MSI2: variants seen among roughly 807,000 people sequenced by gnomAD.
MSI2 encodes the protein RNA-binding protein Musashi homolog 2.
A neutral mutation model predicts 45.6 loss-of-function variants in MSI2; 17 were observed. That is an observed-to-expected ratio of 0.37 (90% confidence interval 0.26 to 0.56). The LOEUF (loss-of-function observed/expected upper bound fraction) is 0.56. MSI2 is among the 20% of genes least tolerant of loss of function. MSI2 has a pLI of 0.77. For synonymous variants in MSI2, 156 were observed against 158.2 expected (o/e 0.99, Z 0.11); for missense variants, 293 against 444.2 (o/e 0.66, Z 3.06).
At chr17:57,403,885 C>T (rs2084036010) in intron 6 of MSI2, among the ~76,000 whole-genome samples, 1 of 152,088 alleles carries the variant, frequency 6.6e-6, no homozygotes, top group Admixed American at 6.5e-5. Flanking sequence ...CAGACTGCCT[C>T]TCCCCTTCGG....
chr17:57,458,225 C>T lies in MSI2; in HGVS notation c.405+56754C>T, dbSNP rs186170262. 3.3e-4 allele frequency among the ~76,000 whole-genome samples: 50 copies of T among 151,846 alleles called. 1 individual carries two copies. Among genetic ancestry groups the T allele is most frequent in the East Asian group, 5.8e-4 (3 of 5,154 alleles). ...ACGCCATTCTCTTGCCTCAGCCTCC[C>T]GAGTAGCTGGGACTACGGGCGCCCA... On this transcript the variant is annotated intron_variant, in intron 6 of 13. Coordinates refer to ENST00000284073, the MANE Select transcript of MSI2 (RefSeq NM_138962.4).
At chr17:57,377,658 C>T (rs2083522107) in intron 5 of MSI2, among the ~76,000 whole-genome samples, 2 of 152,250 alleles carry the variant, frequency 1.3e-5, no homozygotes, top group South Asian at 4.2e-4. Flanking sequence ...GACATGCATT[C>T]ATTTGTTCCC....
chr17:57,550,540 C>A (rs1465038645), intron 7 of MSI2, among the ~76,000 whole-genome samples: 1 of 152,186 alleles, frequency 6.6e-6, no homozygotes, highest in Admixed American at 6.5e-5. Context: ...CACGATGTCT[C>A]TTTTACTTTT....
chr17:57,303,962 A>C (rs374972054), intron 5 of MSI2, among the ~76,000 whole-genome samples: 2 of 152,170 alleles, frequency 1.3e-5, no homozygotes, highest in Admixed American at 1.3e-4. Context: ...GAGGACCTGA[A>C]TTACTAGAGG....
At chr17:57,569,582 C>A (rs1175848389) in intron 7 of MSI2, among the ~76,000 whole-genome samples, 1 of 152,200 alleles carries the variant, frequency 6.6e-6, no homozygotes, top group Non-Finnish European at 1.5e-5. Context: ...TGGAGAGATG[C>A]AGATTTTTCA....
intron 6 of MSI2, among the ~76,000 whole-genome samples, chr17:57,512,609 A>T (rs902243427): frequency 2.0e-5 from 3 of 152,218 alleles, no homozygotes; most frequent in Admixed American, 6.5e-5. Context: ...AAATCACAGA[A>T]ACCATCTCAT....
rs34561938 is a variant in MSI2, at chr17:57,277,053, C to CTT, written c.312+14880_312+14881dup. ...TGGGGGTTTGGGTTGGTTTTCTTTT[C>CTT]TTTTTTTTTTTTTTTTTTTTGAGAC... On this transcript the variant is annotated intron_variant, in intron 5 of 13. Transcript: ENST00000284073. Among the ~76,000 whole-genome samples the CTT allele has an allele frequency of 2.2e-3, 281 of 124,968 alleles. 2 individuals carry two copies. Among genetic ancestry groups the CTT allele is most frequent in the African/African-American group, 6.7e-3 (222 of 33,092 alleles). 82.0% of individuals were successfully genotyped at this position (124,968 alleles called of 152,430 possible). A position where few individuals can be genotyped will look rare whatever the true frequency, so the allele number is the denominator to read the frequency against.
intron 6 of MSI2, among the ~76,000 whole-genome samples, chr17:57,408,602 G>T (rs1050863987): frequency 4.7e-4 from 72 of 152,174 alleles, no homozygotes; most frequent in Non-Finnish European, 6.2e-4. Flanking sequence ...TAGGGGCGGG[G>T]GGGCGGTATG....
intron 8 of MSI2, chr17:57,601,629 C>G (rs1014393618): frequency 1.3e-5 from 2 of 152,264 alleles, no homozygotes; most frequent in Non-Finnish European, 2.9e-5. Context: ...CCGCAGAGGC[C>G]TAGTACAGCC....
At chr17:57,516,463 T>A (rs1567872017) in intron 6 of MSI2, among the ~76,000 whole-genome samples, 1 of 152,204 alleles carries the variant, frequency 6.6e-6, no homozygotes, top group Non-Finnish European at 1.5e-5. Flanking sequence ...TGCGACCCAT[T>A]GCATCACAGT....
At chr17:57,337,256 A>G (rs1304713825) in intron 5 of MSI2, among the ~76,000 whole-genome samples, 1 of 152,224 alleles carries the variant, frequency 6.6e-6, no homozygotes, top group Non-Finnish European at 1.5e-5. Context: ...CAGCCTGACA[A>G]GAAAACCCTT....
chr17:57,411,992 C>G (rs62060398), intron 6 of MSI2, among the ~76,000 whole-genome samples: 124,490 of 151,796 alleles, frequency 0.82, 51,547 homozygotes, highest in East Asian at 1. Flanking sequence ...GGGCGACAAA[C>G]CAAGACTCCG....
intron 5 of MSI2, among the ~76,000 whole-genome samples, chr17:57,370,965 A>G (rs1366764721): frequency 6.6e-6 from 1 of 152,196 alleles, no homozygotes; most frequent in Non-Finnish European, 1.5e-5. Context: ...TTACAAGACA[A>G]TCTGATTTGA....
chr17:57,496,978 C>G lies in MSI2; in HGVS notation c.406-32698C>G, dbSNP rs540806452. On this transcript the variant is annotated intron_variant, in intron 6 of 13. Transcript: ENST00000284073. The stretch of plus-strand genomic sequence containing the variant: ...ATGGCCAAAGTGTTTCTATTGGACC[C>G]TTTAATTTTTTTATTTGAGATGGAG... Among the ~76,000 whole-genome samples the G allele has an allele frequency of 2.6e-5, 4 of 152,242 alleles. No homozygotes were observed. The South Asian group carries it at 8.3e-4, about 32-fold the overall frequency.
intron 5 of MSI2, among the ~76,000 whole-genome samples, chr17:57,318,385 G>C (rs1007597912): frequency 6.6e-6 from 1 of 152,122 alleles, no homozygotes; most frequent in African/African-American, 2.4e-5. Context: ...TCATGGGACC[G>C]TGTCCTGAAT....
chr17:57,392,794 T>G (rs928396726), intron 5 of MSI2, among the ~76,000 whole-genome samples: 2 of 152,182 alleles, frequency 1.3e-5, no homozygotes, highest in Non-Finnish European at 2.9e-5. Context: ...AGGCACACTT[T>G]CTTGGACATG....
chr17:57,447,590 G>GC (rs1678191858), intron 6 of MSI2, among the ~76,000 whole-genome samples: 1 of 118,730 alleles, frequency 8.4e-6, no homozygotes, highest in Non-Finnish European at 1.9e-5. Context: ...TGGCATGGGT[G>GC]GGGGGGGTGT....
At chr17:57,574,828 C>CTT (rs34704876) in intron 7 of MSI2, among the ~76,000 whole-genome samples, 3,368 of 128,352 alleles carry the variant, frequency 0.026, 87 homozygotes, top group African/African-American at 0.042. Flanking sequence ...CTCTCTCTCT[C>CTT]TTTTTTTTTT....
chr17:57,555,202 G>A (rs1040472460), intron 7 of MSI2, among the ~76,000 whole-genome samples: 6 of 152,168 alleles, frequency 3.9e-5, no homozygotes, highest in Non-Finnish European at 8.8e-5. Flanking sequence ...TCTAGCCAGC[G>A]TCCGCACCGC....
Sources: gnomAD v4.1 joint callset for allele counts (sites outside exome capture counted in the v4.1 genomes callset) on GRCh38, gnomAD v4.1.1 for gene constraint, MANE v1.5 for transcripts, NCBI Gene and HGNC (gene_info 2026-07-23, HGNC 2026-07-21) for gene names.